TEX26: variants seen among roughly 807,000 people sequenced by gnomAD.
The protein encoded by TEX26 is testis expressed 26.
In TEX26, 34 loss-of-function variants were observed where a neutral mutation model predicts 35.3. That is an observed-to-expected ratio of 0.96 (90% CI 0.73 to 1.28). TEX26 has a LOEUF of 1.28. Ranked by LOEUF, TEX26 falls within the 50% of genes most tolerant of loss-of-function variation. TEX26 has a pLI of 0.00. For missense variants in TEX26, 371 were observed against 330.1 expected (o/e 1.12, Z -0.96); for synonymous variants, 136 against 111.8 (o/e 1.22, Z -1.36).
At chr13:30,953,005 T>C (rs1342841651) in intron 3 of TEX26, among the ~76,000 whole-genome samples, 180 bp downstream of exon 3, 1 of 152,180 alleles carries the variant, frequency 6.6e-6, no homozygotes, top group Admixed American at 6.5e-5. Flanking sequence ...TTGTGTTCTA[T>C]CCCCTGGAGT....
rs927769457 is a variant in TEX26, at chr13:30,966,397, A to C, written c.645A>C (p.Leu215=). The stretch of plus-strand genomic sequence containing the variant: ...GCTTGCCTGTTGCTTCTCAGGGTCT[A>C]GGTGAGTACAGCTGCAGTTTCTTTT... The part of the protein sequence containing the change: ...YSSLPVASQG[L]VPSVLHSYLR... Residue 215 remains leucine, a splice_region_variant and synonymous_variant, in exon 5 of 7, where the codon CTA becomes CTC. Coordinates refer to ENST00000380473, the MANE Select transcript of TEX26 (RefSeq NM_152325.3). The C allele has an allele frequency of 7.8e-6, 12 of 1,540,078 alleles. No individual in the cohort carries two copies. Among genetic ancestry groups the C allele is most frequent in the Non-Finnish European group, 9.8e-6 (11 of 1,121,452 alleles).
At chr13:30,968,513 T>C (rs1954614409) in intron 5 of TEX26, among the ~76,000 whole-genome samples, 1 of 152,166 alleles carries the variant, frequency 6.6e-6, no homozygotes, top group East Asian at 1.9e-4. Flanking sequence ...CATCTCAACG[T>C]ATATCAAAGA....
At chr13:30,948,088 T>C (rs571696519) in intron 2 of TEX26, among the ~76,000 whole-genome samples, 1,565 of 152,254 alleles carry the variant, frequency 0.01, 31 homozygotes, top group African/African-American at 0.036. Flanking sequence ...TTTATGGCTG[T>C]ATAGTATTCC....
chr13:30,967,856 A>G (rs1954592166), intron 5 of TEX26, among the ~76,000 whole-genome samples: 2 of 152,210 alleles, frequency 1.3e-5, no homozygotes, highest in African/African-American at 2.4e-5. Context: ...GACCCCCATT[A>G]GTCCAAATGG....
At chr13:30,947,536 C>T (rs956365349) in intron 2 of TEX26, among the ~76,000 whole-genome samples, 3 of 152,082 alleles carry the variant, frequency 2.0e-5, no homozygotes, top group African/African-American at 7.2e-5. Context: ...TTATTGAAAG[C>T]TATTAATAAG....
chr13:30,944,102 G>A (rs1158794767), intron 2 of TEX26, among the ~76,000 whole-genome samples: 2 of 151,638 alleles, frequency 1.3e-5, no homozygotes, highest in Non-Finnish European at 3.0e-5. Flanking sequence ...TTTTGAAGTC[G>A]ACAGTTTTTT....
chr13:30,958,018 A>C (rs1225687483), intron 4 of TEX26, among the ~76,000 whole-genome samples: 3 of 152,224 alleles, frequency 2.0e-5, no homozygotes, highest in Admixed American at 1.3e-4. Context: ...AAAGTCCAGC[A>C]CACTATTCAT....
chr13:30,938,611 A>G (rs1029443607), intron 1 of TEX26, among the ~76,000 whole-genome samples: 1 of 152,134 alleles, frequency 6.6e-6, no homozygotes, highest in Non-Finnish European at 1.5e-5. Flanking sequence ...CCACCTGCAA[A>G]TGCTATCAAC....
chr13:30,952,582 A>G, intron 2 of TEX26, 78 bp from the exon 3 acceptor site: 2 of 1,216,660 alleles, frequency 1.6e-6, no homozygotes, highest in Admixed American at 2.7e-5. Flanking sequence ...TGTAATGAGT[A>G]AAATGATTTG....
At chr13:30,956,480 C>T (rs947016094) in intron 3 of TEX26, among the ~76,000 whole-genome samples, 1 of 152,116 alleles carries the variant, frequency 6.6e-6, no homozygotes, top group African/African-American at 2.4e-5. Context: ...GTTGCTGAGG[C>T]CTCTGCATGT....
At chr13:30,955,655 T>C (rs923931152) in intron 3 of TEX26, among the ~76,000 whole-genome samples, 4 of 152,188 alleles carry the variant, frequency 2.6e-5, no homozygotes, top group Admixed American at 6.5e-5. Flanking sequence ...CTTTTTAAGA[T>C]AGGAGAAATA....
intron 2 of TEX26, among the ~76,000 whole-genome samples, chr13:30,947,926 T>A (rs1337496191): frequency 6.6e-6 from 1 of 152,062 alleles, no homozygotes; most frequent in Admixed American, 6.5e-5. Context: ...TGTGTGATGT[T>A]CCTCTTCCTG....
At chr13:30,933,038 C>A in intron 1 of TEX26, 1 of 390,572 alleles carries the variant, frequency 2.6e-6, no homozygotes, top group South Asian at 8.6e-5. Flanking sequence ...AAGTGCCTGG[C>A]TAAGAGGGGA....
rs764940186 is a variant in TEX26 at position 30,968,873 on chromosome 13, G to T, written c.647-12G>T. On this transcript the variant is annotated splice_polypyrimidine_tract_variant and intron_variant, in intron 5 of 6. Transcript: ENST00000380473. ...AGCCTTCCGACCTCTCCTCCCCTGT[G>T]TATTTCTATAGTGCCTTCTGTGCTG... is the stretch of plus-strand genomic sequence containing the variant. The T allele has an allele frequency of 1.5e-5, 24 of 1,611,582 alleles. No homozygotes were observed. In the Admixed American group the frequency reaches 3.0e-4, roughly 20 times the overall value.
In TEX26 at chr13:30,939,763, T is replaced by C. The variant is rs139118056; in HGVS notation, c.131T>C (p.Val44Ala). ...GCATTCACGCCTAAAACAGGAGCAG[T>C]GCCTGCCTTAATTCGGTAGATCATT... ...RTAFTPKTGA[V>A]PALIRQNGIR... Residue 44 changes from valine to alanine, a missense_variant, in exon 2 of 7, where the codon GTG becomes GCG. Physicochemically the swap from Val to Ala is moderately conservative, Grantham distance 64 (BLOSUM62 0). Coordinates refer to ENST00000380473, the MANE Select transcript of TEX26 (RefSeq NM_152325.3). 0.016 allele frequency: 26,592 copies of C among 1,613,800 alleles called. 282 individuals are homozygous for C. The highest frequency in any genetic ancestry group is 0.02 in the Non-Finnish European group (23,273 of 1,179,696).
At chr13:30,966,432 C>CTTTTTTTTTTTTTT (rs10523710) in intron 5 of TEX26, 34 bp downstream of exon 5, 7 of 997,824 alleles carry the variant, frequency 7.0e-6, no homozygotes, top group African/African-American at 4.3e-5. Flanking sequence ...TTCTTTTTCT[C>CTTTTTTTTTTTTTT]TTTTTTTTTT....
At chr13:30,963,304 G>C (rs7321407) in intron 4 of TEX26, among the ~76,000 whole-genome samples, 25,207 of 152,044 alleles carry the variant, frequency 0.17, 2,395 homozygotes, top group African/African-American at 0.27. Context: ...AGGAACCCTG[G>C]GGGGAGGCGT....
intron 4 of TEX26, 130 bp downstream of exon 4, chr13:30,957,159 C>T (rs1954170689): frequency 2.3e-6 from 2 of 884,830 alleles, no homozygotes; most frequent in Non-Finnish European, 3.4e-6. Flanking sequence ...GGCGACTTTG[C>T]AAATAAAAAC....
intron 4 of TEX26, among the ~76,000 whole-genome samples, chr13:30,965,470 G>A (rs897677937): frequency 7.2e-5 from 11 of 152,118 alleles, no homozygotes; most frequent in Non-Finnish European, 1.5e-4. Flanking sequence ...TGACATCTTT[G>A]TCTTTCTGAA....
Sources: gnomAD v4.1 joint callset for allele counts (sites outside exome capture counted in the v4.1 genomes callset) on GRCh38, gnomAD v4.1.1 for gene constraint, MANE v1.5 for transcripts, NCBI Gene and HGNC (gene_info 2026-07-23, HGNC 2026-07-21) for gene names.